The following FBXO17 variants were observed in gnomAD, a reference collection of about 807,000 sequenced individuals.
FBXO17 encodes F-box only protein 17.
A neutral mutation model predicts 34.1 loss-of-function variants in FBXO17; 43 were observed. The observed-to-expected ratio is 1.26, with a 90% CI of 0.99 to 1.62. FBXO17 has a LOEUF of 1.62. FBXO17 is among the 40% of genes most tolerant of loss of function. The pLI, the probability that FBXO17 is intolerant of heterozygous loss-of-function variation, is 0.00. For missense variants in FBXO17, 424 were observed against 386.7 expected, an observed-to-expected ratio of 1.10 and a Z score of -0.81; for synonymous variants, 169 against 166.0, an observed-to-expected ratio of 1.02 and a Z score of -0.14.
rs139274792 is a variant in FBXO17, at chr19:38,954,895, TTTATTATTATTATTATTATTATTATTA to T, written c.-17-4586_-17-4560del. Among the ~76,000 whole-genome samples the T allele has an allele frequency of 6.0e-5, 8 of 134,230 alleles. 1 individual carries two copies. The highest frequency in any genetic ancestry group is 2.4e-4 in the South Asian group (1 of 4,178). The allele number at this position is 134,230 out of a possible 152,430, so 88.1% of individuals were successfully genotyped here. On this transcript the variant is annotated intron_variant, in intron 1 of 5. Transcript: ENST00000292852. Reference sequence around the variant, plus strand: ...TGCGCCTGCCCTGACAATGTGTTATTTTATTATTATTATTATTATTATTATTATTATTATTATTATTATTATTATTTT... The same window carrying T: ...TGCGCCTGCCCTGACAATGTGTTATTTTATTATTATTATTATTATTATTTT...
intron 1 of FBXO17, among the ~76,000 whole-genome samples, chr19:38,951,557 T>C (rs1219813163): frequency 6.6e-6 from 1 of 152,012 alleles, no homozygotes; most frequent in Non-Finnish European, 1.5e-5. Flanking sequence ...GATGGTACTT[T>C]AGGATGATAG....
intron 2 of FBXO17, 42 bp downstream of exon 2, chr19:38,949,929 G>A (rs1185911646): frequency 7.1e-7 from 1 of 1,412,912 alleles, no homozygotes; most frequent in African/African-American, 1.5e-5. Flanking sequence ...CCTCGCTCGC[G>A]CGGCCCCCCT....
At chr19:38,944,902 C>T (rs1476347045) in intron 5 of FBXO17, 67 bp downstream of exon 5, 1 of 1,587,072 alleles carries the variant, frequency 6.3e-7, no homozygotes, top group Admixed American at 1.8e-5. Context: ...GGAAACCGAG[C>T]AGACGAGAGG....
intron 1 of FBXO17, among the ~76,000 whole-genome samples, chr19:38,955,179 C>T (rs1975150133): frequency 6.6e-6 from 1 of 151,896 alleles, no homozygotes; most frequent in South Asian, 2.1e-4. Context: ...GATCCGCCCG[C>T]CTTGGCCTCC....
rs1329726047 is a variant in FBXO17 at position 38,975,514 on chromosome 19, C to A, written c.-18+72G>T. 1 of 152,064 alleles carries A rather than the reference C, an allele frequency of 6.6e-6. No homozygotes were observed. Among genetic ancestry groups the A allele is most frequent in the Non-Finnish European group, 1.5e-5 (1 of 68,014 alleles). The allele number at this position is 152,064 out of a possible 1,614,324, so 9.4% of individuals were successfully genotyped here. A position where few individuals can be genotyped will look rare whatever the true frequency, so the allele number is the denominator to read the frequency against. On this transcript the variant is annotated intron_variant, in intron 1 of 5. Coordinates refer to ENST00000292852, the MANE Select transcript of FBXO17 (RefSeq NM_024907.7). The surrounding 1 kb of genome is among the most constrained non-coding windows in gnomAD (Gnocchi z 4.9). ...TGGCGCGGGAATCCTTCCCGGGGCG[C>A]CCCAGCTGTGGGCGAGAACGGGACT...
chr19:38,968,254 G>T (rs1753607322), intron 1 of FBXO17, among the ~76,000 whole-genome samples: 1 of 152,116 alleles, frequency 6.6e-6, no homozygotes, highest in African/African-American at 2.4e-5. Context: ...GGGAGGTGGA[G>T]GTTGCAGTGA....
intron 1 of FBXO17, among the ~76,000 whole-genome samples, chr19:38,963,469 A>AT (rs962626832): frequency 2.0e-5 from 3 of 150,736 alleles, no homozygotes; most frequent in Non-Finnish European, 4.4e-5. Context: ...TAATTTTTAA[A>AT]TTTTTTTTGA....
rs1431527321 is a variant in FBXO17, at chr19:38,952,435, C to T, written c.-17-2099G>A. On this transcript the variant is annotated intron_variant, in intron 1 of 5. Transcript: ENST00000292852. The stretch of plus-strand genomic sequence containing the variant: ...TCAGTTACTTCTCTGAACATTCCTA[C>T]CACCTTCTTGCTCTAACTGGAACCC... 237 of 452,970 alleles carry T rather than the reference C, an allele frequency of 5.2e-4. 1 individual carries two copies. Among genetic ancestry groups the T allele is most frequent in the Non-Finnish European group, 2.7e-4 (61 of 222,812 alleles). The allele number at this position is 452,970 out of a possible 1,614,324, so 28.1% of individuals were successfully genotyped here.
intron 2 of FBXO17, 186 bp downstream of exon 2, chr19:38,949,785 C>G (rs939559978): frequency 1.1e-5 from 8 of 732,440 alleles, no homozygotes; most frequent in Non-Finnish European, 2.1e-6. Context: ...TTCGGATTCC[C>G]GGCTTCACCT....
intron 1 of FBXO17, among the ~76,000 whole-genome samples, chr19:38,956,498 G>A (rs1020524847): frequency 5.9e-5 from 9 of 152,154 alleles, no homozygotes; most frequent in African/African-American, 2.2e-4. Flanking sequence ...CAAGATGATA[G>A]AATTCATGAG....
intron 2 of FBXO17, among the ~76,000 whole-genome samples, chr19:38,949,534 A>ATTT (rs758914338): frequency 1.4e-5 from 2 of 139,610 alleles, no homozygotes; most frequent in South Asian, 2.3e-4. Flanking sequence ...GCACCCCACC[A>ATTT]TTTTTTTTTT....
chr19:38,953,970 G>T (rs151053998), intron 1 of FBXO17, among the ~76,000 whole-genome samples: 1 of 152,052 alleles, frequency 6.6e-6, no homozygotes, highest in Middle Eastern at 3.2e-3. Flanking sequence ...GAGTGAAAGG[G>T]GGGGAGGAGG....
chr19:38,945,008 A>G lies in FBXO17; in HGVS notation c.654T>C (p.Pro218=). The change falls in exon 5 of 6, where the codon CCT becomes CCC. Residue 218 remains proline, a synonymous_variant. Transcript: ENST00000292852. ...TCTCAGTCCACTGAAGGACCGGGTC[A>G]GGTGAGGCTGAGAACTTGACCACTT... is the stretch of plus-strand genomic sequence containing the variant. ...EKEVVKFSAS[P]DPVLQWTERG... 1.2e-6 allele frequency: 2 copies of G among 1,614,074 alleles called. No individual in the cohort carries two copies.
intron 3 of FBXO17, chr19:38,947,051 TC>T (rs1974995470): frequency 6.3e-6 from 1 of 158,876 alleles, no homozygotes. Flanking sequence ...GACTGCCTTG[TC>T]CCCCAAGGAA....
At chr19:38,943,585 A>G (rs538632048) in intron 5 of FBXO17, among the ~76,000 whole-genome samples, 2 of 142,768 alleles carry the variant, frequency 1.4e-5, no homozygotes, top group African/African-American at 2.6e-5. Context: ...AAAATTTACC[A>G]TTTTATTTTA....
chr19:38,951,035 C>T (rs1311485392), intron 1 of FBXO17, among the ~76,000 whole-genome samples: 1 of 152,072 alleles, frequency 6.6e-6, no homozygotes, highest in African/African-American at 2.4e-5. Context: ...CGTGATCCAC[C>T]CACTTCGGCC....
chr19:38,969,016 CA>C (rs1338244736), intron 1 of FBXO17, among the ~76,000 whole-genome samples: 2 of 152,016 alleles, frequency 1.3e-5, no homozygotes, highest in African/African-American at 4.8e-5. Context: ...TCCACTTTAA[CA>C]GGGCTGAATT....
intron 1 of FBXO17, among the ~76,000 whole-genome samples, chr19:38,965,810 T>A (rs1253588365): frequency 6.7e-6 from 1 of 149,878 alleles, no homozygotes; most frequent in African/African-American, 2.5e-5. Context: ...CCCAGCTAAT[T>A]TTTATATTTT....
intron 3 of FBXO17, among the ~76,000 whole-genome samples, chr19:38,947,886 G>A (rs1280419191): frequency 6.7e-6 from 1 of 149,598 alleles, no homozygotes; most frequent in Non-Finnish European, 1.5e-5. Context: ...TTATAAAGTG[G>A]GGGCAATAAT....
Sources: gnomAD v4.1 joint callset for allele counts (sites outside exome capture counted in the v4.1 genomes callset) on GRCh38, gnomAD v4.1.1 for gene constraint, Gnocchi (gnomAD v3.1) non-coding constraint, MANE v1.5 for transcripts, NCBI Gene and HGNC (gene_info 2026-07-23, HGNC 2026-07-21) for gene names.